The following SEC23A variants were observed in gnomAD, a reference collection of about 807,000 sequenced individuals.
SEC23A encodes the protein SEC23 homolog A, COPII component, also known as protein transport protein Sec23A.
In SEC23A, 56 loss-of-function variants were observed where a neutral mutation model predicts 103.7. The ratio of observed to expected loss-of-function variants is 0.54; its 90% CI spans 0.44 to 0.67. The LOEUF (loss-of-function observed/expected upper bound fraction) is 0.67, where lower values mean the gene tolerates loss of function less well. SEC23A is among the 30% of genes least tolerant of loss of function. SEC23A has a pLI of 0.00. For synonymous variants in SEC23A, 281 were observed against 293.0 expected (o/e 0.96, Z 0.42); for missense variants, 784 against 936.4 (o/e 0.84, Z 2.12).
chr14:39,052,047 AAGAC>A (rs1418757165), intron 14 of SEC23A, among the ~76,000 whole-genome samples: 7 of 152,124 alleles, frequency 4.6e-5, no homozygotes, highest in African/African-American at 1.7e-4. Flanking sequence ...TCAGCAAACT[AAGAC>A]AGGAATAGAA....
intron 7 of SEC23A, among the ~76,000 whole-genome samples, chr14:39,078,865 A>C (rs973592878): frequency 1.5e-4 from 23 of 152,282 alleles, no homozygotes; most frequent in African/African-American, 5.5e-4. Context: ...TCAATGTAAC[A>C]AATATAGAAT....
chr14:39,033,154 G>T lies in SEC23A; in HGVS notation c.*85C>A. On this transcript the variant is annotated 3_prime_UTR_variant, in exon 20 of 20. Transcript: ENST00000307712. Reference sequence around the variant, plus strand: ...CAAAAAATATAGAGCAATATCTGTTGGTTTCCACAGATAAATGGAAAAAGG... The same window carrying T: ...CAAAAAATATAGAGCAATATCTGTTTGTTTCCACAGATAAATGGAAAAAGG... 2 of 966,504 alleles carry T rather than the reference G, an allele frequency of 2.1e-6. No homozygotes were observed. Among genetic ancestry groups the T allele is most frequent in the Non-Finnish European group, 3.4e-6 (2 of 591,640 alleles). The allele number at this position is 966,504 out of a possible 1,614,324, so 59.9% of individuals were successfully genotyped here.
chr14:39,061,841 C>G lies in SEC23A; in HGVS notation c.1429G>C (p.Gly477Arg). The change falls in exon 13 of 20, where the codon GGT (glycine) becomes CGT (arginine). Residue 477 changes from glycine (G) to arginine (R), a missense_variant. Gly to Arg is a moderately radical substitution (Grantham distance 125). This residue lies in a region of SEC23A where 683 missense variants were observed against 774.2 expected (regional missense o/e 0.88). Coordinates refer to ENST00000307712, the MANE Select transcript of SEC23A (RefSeq NM_006364.4). ...HNAPIPQGGR[G>R]AIQFVTQYQH... ...TACTGAGTCACAAACTGGATTGCAC[C>G]ACGCCCTCCTTGAGGAATTGGAGCA... 6.2e-7 allele frequency: 1 copy of G among 1,613,872 alleles called. No homozygotes were observed.
intron 4 of SEC23A, 69 bp from the exon 5 acceptor site, chr14:39,091,782 G>A: frequency 2.0e-6 from 2 of 1,009,754 alleles, no homozygotes; most frequent in South Asian, 2.6e-5. Flanking sequence ...AGTCAACAGG[G>A]AACTAATTAA....
In SEC23A at chr14:39,045,225, T is replaced by A. The variant is rs1251800035; in HGVS notation, c.1837A>T (p.Thr613Ser). The A allele has an allele frequency of 6.2e-7, 1 of 1,613,658 alleles. No homozygotes were observed. Among genetic ancestry groups the A allele is most frequent in the East Asian group, 2.2e-5 (1 of 44,796 alleles). ...YRHHFMRQDL[T>S]QSLIMIQPIL... is the part of the protein sequence containing the mutation. The stretch of plus-strand genomic sequence containing the variant: ...GGCTGAATCATAATTAGAGACTGGG[T>A]CAGATCTTGACGCATAAAATGGTGA... The change falls in exon 16 of 20, where the codon ACC becomes TCC. Residue 613 changes from threonine (T) to serine (S), a missense_variant. Physicochemically the swap from Thr to Ser is moderately conservative, Grantham distance 58. Coordinates refer to ENST00000307712, the MANE Select transcript of SEC23A (RefSeq NM_006364.4).
In SEC23A at chr14:39,094,424, ATATATATATATATATATATT is replaced by A. The variant is rs1566515081; in HGVS notation, c.222-1200_222-1181del. Among the ~76,000 whole-genome samples the A allele has an allele frequency of 8.1e-3, 473 of 58,594 alleles. 73 individuals carry two copies. Among genetic ancestry groups the A allele is most frequent in the Non-Finnish European group, 0.01 (370 of 36,538 alleles). The allele number at this position is 58,594 out of a possible 152,430, so 38.4% of individuals were successfully genotyped here. A position where few individuals can be genotyped will look rare whatever the true frequency, so the allele number is the denominator to read the frequency against. ...TATATATATATATATATATATATAT[ATATATATATATATATATATT>A]TTTTTTTTTTTTTTTTCCCCTCCTG... On this transcript the variant is annotated intron_variant, in intron 2 of 19. Transcript: ENST00000307712.
chr14:39,070,778 G>A (rs2139242842), intron 9 of SEC23A, among the ~76,000 whole-genome samples: 1 of 152,302 alleles, frequency 6.6e-6, no homozygotes. Flanking sequence ...TATAATCCCA[G>A]CACTTTGGGA....
chr14:39,040,116 T>A (rs898569257), intron 18 of SEC23A: 1 of 152,376 alleles, frequency 6.6e-6, no homozygotes, highest in Non-Finnish European at 1.5e-5. Flanking sequence ...ATAACTCTTA[T>A]AAGAATTACA....
At chr14:39,089,093 G>A (rs548610593) in intron 5 of SEC23A, among the ~76,000 whole-genome samples, 1 of 147,258 alleles carries the variant, frequency 6.8e-6, no homozygotes, top group African/African-American at 2.5e-5. Flanking sequence ...AGAATCGCTC[G>A]AACTAAGGAG....
chr14:39,078,511 G>A (rs1172380279), intron 7 of SEC23A, among the ~76,000 whole-genome samples: 1 of 152,184 alleles, frequency 6.6e-6, no homozygotes, highest in South Asian at 2.1e-4. Flanking sequence ...TCCAGATACA[G>A]CAGCTGATGA....
chr14:39,063,828 C>T (rs1022225524), intron 11 of SEC23A, among the ~76,000 whole-genome samples: 2 of 151,710 alleles, frequency 1.3e-5, no homozygotes, highest in African/African-American at 4.8e-5. Flanking sequence ...AACCCCATCT[C>T]TACTAAAAAC....
At chr14:39,047,425 G>C (rs1027920317) in intron 15 of SEC23A, 1 of 1,288,112 alleles carries the variant, frequency 7.8e-7, no homozygotes, top group Non-Finnish European at 1.0e-6. Context: ...AGAGGTTTTA[G>C]GGAAGTCTCT....
intron 19 of SEC23A, among the ~76,000 whole-genome samples, chr14:39,037,286 C>T (rs1287163740): frequency 4.6e-5 from 7 of 152,042 alleles, no homozygotes; most frequent in Admixed American, 2.0e-4. Flanking sequence ...CTAGATAGTA[C>T]CTCAAACTCA....
chr14:39,088,474 C>CT (rs1489293113), intron 5 of SEC23A: 1 of 152,048 alleles, frequency 6.6e-6, no homozygotes, highest in Non-Finnish European at 1.5e-5. Flanking sequence ...TGGATCATGC[C>CT]TGTAATCCCA....
In SEC23A at chr14:39,091,499, T is replaced by C; in HGVS notation, c.581A>G (p.Asp194Gly). 1 of 1,613,874 alleles carries C rather than the reference T, an allele frequency of 6.2e-7. No homozygotes were observed. The highest frequency in any genetic ancestry group is 8.5e-7 in the Non-Finnish European group (1 of 1,179,828). The change falls in exon 5 of 20, where the codon GAT becomes GGT. Residue 194 changes from aspartate to glycine, a missense_variant. Around this residue, in one of 2 missense-constraint regions of SEC23A, gnomAD observed 683 missense variants for 774.2 expected, o/e 0.88. Coordinates refer to ENST00000307712, the MANE Select transcript of SEC23A (RefSeq NM_006364.4). ...SKSYVFRGTK[D>G]LSAKQLQEML... ...TACCTGCAGTTGTTTGGCAGACAAA[T>C]CTTTTGTTCCTCTGAAGACATAGCT...
chr14:39,033,430 A>G (rs929314564), intron 19 of SEC23A, 102 bp from the exon 20 acceptor site: 3 of 78,022 alleles, frequency 3.8e-5, no homozygotes, highest in Non-Finnish European at 6.8e-5. Flanking sequence ...TGAAATGCCT[A>G]TGGTCCTATT....
chr14:39,051,850 C>G (rs950978466), intron 14 of SEC23A, among the ~76,000 whole-genome samples: 1 of 152,024 alleles, frequency 6.6e-6, no homozygotes, highest in Admixed American at 6.6e-5. Context: ...CACCTGTTAT[C>G]CCAGCTACTT....
chr14:39,042,613 C>A (rs1885684144), intron 17 of SEC23A, among the ~76,000 whole-genome samples, 173 bp downstream of exon 17: 1 of 152,308 alleles, frequency 6.6e-6, no homozygotes, highest in Non-Finnish European at 1.5e-5. Context: ...TGTGGGTCAA[C>A]TGCAATTGAA....
At chr14:39,036,318 C>A (rs1885457556) in intron 19 of SEC23A, among the ~76,000 whole-genome samples, 1 of 50,214 alleles carries the variant, frequency 2.0e-5, no homozygotes, top group Admixed American at 2.8e-4. Context: ...AAGACTCCGT[C>A]TCAAAAAAAA....
Sources: gnomAD v4.1 joint callset for allele counts (sites outside exome capture counted in the v4.1 genomes callset) on GRCh38, gnomAD v4.1.1 for gene constraint, gnomAD v4.1.1 regional missense constraint, MANE v1.5 for transcripts, NCBI Gene and HGNC (gene_info 2026-07-23, HGNC 2026-07-21) for gene names.